The following RORA variants were observed in gnomAD, a reference collection of about 807,000 sequenced individuals.
RORA encodes RAR related orphan receptor A.
A neutral mutation model predicts 69.5 loss-of-function variants in RORA; 7 were observed. The observed-to-expected ratio is 0.10, with a 90% CI of 0.06 to 0.19. RORA has a LOEUF of 0.19. Ranked by LOEUF, RORA falls within the 10% of genes least tolerant of loss-of-function variation. RORA has a pLI of 1.00. For synonymous variants in RORA, 261 were observed against 240.8 expected, an observed-to-expected ratio of 1.08 and a Z score of -0.78; for missense variants, 457 against 663.0, an observed-to-expected ratio of 0.69 and a Z score of 3.41.
intron 1 of RORA, among the ~76,000 whole-genome samples, chr15:61,154,864 GA>G (rs2079429052): frequency 6.6e-6 from 1 of 152,186 alleles, no homozygotes; most frequent in Non-Finnish European, 1.5e-5. Context: ...AGTGGGCTGA[GA>G]AATGGGAAAA....
At chr15:60,759,410 G>A (rs1269370236) in intron 1 of RORA, among the ~76,000 whole-genome samples, 1 of 152,184 alleles carries the variant, frequency 6.6e-6, no homozygotes, top group Non-Finnish European at 1.5e-5. Flanking sequence ...TGGAATCCAG[G>A]TTGAGGGGGA....
chr15:61,015,485 G>A (rs1566944424), intron 1 of RORA, among the ~76,000 whole-genome samples: 1 of 151,140 alleles, frequency 6.6e-6, no homozygotes, highest in Non-Finnish European at 1.5e-5. Context: ...AAAAAAAAAT[G>A]TTTGGAAGAA....
intron 1 of RORA, among the ~76,000 whole-genome samples, chr15:60,702,313 C>T (rs557111296): frequency 4.1e-4 from 62 of 152,286 alleles, no homozygotes; most frequent in Non-Finnish European, 8.7e-4. Context: ...GCAACCTCAA[C>T]CTCTGCCTCC....
At chr15:60,859,267 G>C (rs537756349) in intron 1 of RORA, among the ~76,000 whole-genome samples, 17 of 152,032 alleles carry the variant, frequency 1.1e-4, no homozygotes, top group African/African-American at 3.9e-4. Flanking sequence ...AAGGACAATG[G>C]CTTTGTCGTC....
chr15:61,224,667 C>G (rs544450912), intron 1 of RORA, among the ~76,000 whole-genome samples: 3 of 152,320 alleles, frequency 2.0e-5, no homozygotes, highest in African/African-American at 7.2e-5. Context: ...TTGTCTCACT[C>G]GAATTCCAAA....
chr15:60,743,246 C>G (rs1165730931), intron 1 of RORA, among the ~76,000 whole-genome samples: 1 of 152,004 alleles, frequency 6.6e-6, no homozygotes, highest in African/African-American at 2.4e-5. Context: ...AACTCCTTAC[C>G]TCAAGTGATC....
chr15:60,499,380 T>G lies in RORA; in HGVS notation c.1407+512A>C, dbSNP rs577222123. On this transcript the variant is annotated intron_variant, in intron 10 of 10. Coordinates refer to ENST00000335670, the MANE Select transcript of RORA (RefSeq NM_134261.3). ...GATACCCATCTCTACAAAAAATAAT[T>G]AATAAATTAGCCAAGTGTGGTAGCA... 2.6e-4 allele frequency among the ~76,000 whole-genome samples: 40 copies of G among 152,094 alleles called. 1 individual carries two copies. The South Asian group carries it at 8.1e-3, about 31-fold the overall frequency.
chr15:60,581,007 A>T (rs995241350), intron 2 of RORA, among the ~76,000 whole-genome samples: 3 of 152,228 alleles, frequency 2.0e-5, no homozygotes, highest in African/African-American at 7.2e-5. Context: ...CTCAAATATA[A>T]CTACAGCACC....
Position 60,531,819 on chromosome 15 carries a change from C to T in RORA, c.229G>A (p.Gly77Arg). ...QIEIIPCKIC[G>R]DKSSGIHYGV... Reference sequence around the variant, plus strand: ...TAATGGATTCCTGATGATTTGTCTCCACAGATCTTGCATGGAATAATTTCA... The same window carrying T: ...TAATGGATTCCTGATGATTTGTCTCTACAGATCTTGCATGGAATAATTTCA... The change falls in exon 3 of 11, where the codon GGA (glycine) becomes AGA (arginine). Residue 77 changes from glycine to arginine, a missense_variant. By Grantham distance (125) the Gly-to-Arg change is moderately radical. Around this residue, in one of 3 missense-constraint regions of RORA, gnomAD observed 34 missense variants for 123.2 expected, o/e 0.28. Coordinates refer to ENST00000335670, the MANE Select transcript of RORA (RefSeq NM_134261.3). The surrounding 1 kb of genome is among the most constrained non-coding windows in gnomAD (Gnocchi z 4.8). The T allele has an allele frequency of 1.3e-6, 2 of 1,597,386 alleles. No homozygotes were observed. Among genetic ancestry groups the T allele is most frequent in the Non-Finnish European group, 1.7e-6 (2 of 1,173,938 alleles).
intron 1 of RORA, among the ~76,000 whole-genome samples, chr15:60,697,364 A>G (rs2070920098): frequency 6.6e-6 from 1 of 152,216 alleles, no homozygotes; most frequent in Admixed American, 6.5e-5. Context: ...AGCCTAGGTT[A>G]GATGCTTTGT....
chr15:60,607,826 T>C (rs1201636849), intron 2 of RORA, among the ~76,000 whole-genome samples: 2 of 152,186 alleles, frequency 1.3e-5, no homozygotes, highest in African/African-American at 4.8e-5. Context: ...AAAGAAAGAT[T>C]AGCAGTTAAA....
intron 1 of RORA, among the ~76,000 whole-genome samples, chr15:60,806,080 T>C (rs2072656177): frequency 6.6e-6 from 1 of 152,192 alleles, no homozygotes. Context: ...GCATCCCTCA[T>C]AAGCATTTTA....
intron 2 of RORA, among the ~76,000 whole-genome samples, chr15:60,579,182 C>T (rs956535684): frequency 4.0e-5 from 6 of 151,780 alleles, no homozygotes; most frequent in African/African-American, 1.5e-4. Flanking sequence ...GTTTTACCCA[C>T]CAATGCTTTG....
intron 2 of RORA, among the ~76,000 whole-genome samples, chr15:60,666,315 G>C (rs2070380293): frequency 6.7e-6 from 1 of 150,250 alleles, no homozygotes; most frequent in South Asian, 2.1e-4. Flanking sequence ...CTATAGGTGT[G>C]TGCCAGCATG....
chr15:61,059,176 T>G (rs1225514481), intron 1 of RORA, among the ~76,000 whole-genome samples: 1 of 152,120 alleles, frequency 6.6e-6, no homozygotes, highest in Non-Finnish European at 1.5e-5. Flanking sequence ...CTACAGAGAG[T>G]GCAGAGAGAA....
intron 1 of RORA, among the ~76,000 whole-genome samples, chr15:60,748,554 C>T (rs1567177437): frequency 6.6e-6 from 1 of 152,180 alleles, no homozygotes; most frequent in Non-Finnish European, 1.5e-5. Flanking sequence ...TCAACTTGTC[C>T]TGAGCTGGGT....
chr15:60,604,281 C>T (rs28687106), intron 2 of RORA, among the ~76,000 whole-genome samples: 141 of 152,154 alleles, frequency 9.3e-4, no homozygotes, highest in African/African-American at 3.1e-3. Context: ...TGTTCTAGGA[C>T]GCTGTGTGCA....
At chr15:60,914,459 C>T (rs1891813144) in intron 1 of RORA, among the ~76,000 whole-genome samples, 1 of 152,194 alleles carries the variant, frequency 6.6e-6, no homozygotes, top group African/African-American at 2.4e-5. Context: ...CAAAGGTGTG[C>T]TTTCTATTTG....
intron 1 of RORA, among the ~76,000 whole-genome samples, chr15:61,223,991 C>T (rs1277108376): frequency 2.4e-5 from 3 of 127,452 alleles, no homozygotes; most frequent in East Asian, 2.3e-4. Flanking sequence ...ACACTTCCTG[C>T]GTGAATTAGA....
Sources: gnomAD v4.1 joint callset for allele counts (sites outside exome capture counted in the v4.1 genomes callset) on GRCh38, gnomAD v4.1.1 for gene constraint, gnomAD v4.1.1 regional missense constraint, Gnocchi (gnomAD v3.1) non-coding constraint, MANE v1.5 for transcripts, NCBI Gene and HGNC (gene_info 2026-07-23, HGNC 2026-07-21) for gene names.